The following PUDP variants were observed in gnomAD, a reference collection of about 807,000 sequenced individuals.
PUDP encodes pseudouridine-5'-phosphatase.
In PUDP, 8 loss-of-function variants were observed where a neutral mutation model predicts 9.4. The observed-to-expected ratio is 0.85, with a 90% CI of 0.50 to 1.53. The LOEUF is 1.53. Among genes scored for constraint, PUDP ranks in the 40% most tolerant of loss-of-function variants. The pLI, the probability that PUDP is intolerant of heterozygous loss-of-function variation, is 0.00. For synonymous variants in PUDP, 99 were observed against 80.7 expected, an observed-to-expected ratio of 1.23 and a Z score of -1.22; for missense variants, 188 against 189.7, an observed-to-expected ratio of 0.99 and a Z score of 0.05.
chrX:7,137,416 G>A (rs1170703336), intron 1 of PUDP, among the ~76,000 whole-genome samples: 6 of 104,384 alleles, frequency 5.7e-5, no homozygotes, highest in East Asian at 3.1e-4. Flanking sequence ...GTGTGGTGGC[G>A]GGCACCTGCA....
chrX:7,091,915 T>C (rs760703700), intron 2 of PUDP, among the ~76,000 whole-genome samples: 8 of 112,641 alleles, frequency 7.1e-5, no homozygotes, highest in Admixed American at 4.7e-4. Flanking sequence ...AATGTTAACA[T>C]AATAGCTCAT....
intron 1 of PUDP, among the ~76,000 whole-genome samples, chrX:7,027,468 G>A (rs1220739893): frequency 9.3e-6 from 1 of 107,767 alleles, no homozygotes; most frequent in Non-Finnish European, 1.9e-5. Flanking sequence ...ATATGTGTGT[G>A]TGTGTGTGTG....
chrX:6,726,889 C>G (rs992480670), intron 3 of PUDP, among the ~76,000 whole-genome samples: 2 of 111,388 alleles, frequency 1.8e-5, no homozygotes, highest in Non-Finnish European at 3.8e-5. Flanking sequence ...AATTTTTTTA[C>G]AATTTACTAT....
At chrX:6,858,642 A>G (rs1043421349) in intron 3 of PUDP, among the ~76,000 whole-genome samples, 5 of 111,022 alleles carry the variant, frequency 4.5e-5, no homozygotes, top group African/African-American at 1.7e-4. Flanking sequence ...TTGTAATAAA[A>G]CTATAACTGT....
intron 3 of PUDP, among the ~76,000 whole-genome samples, chrX:6,896,412 T>C (rs760127794): frequency 4.0e-4 from 45 of 112,043 alleles, no homozygotes; most frequent in Non-Finnish European, 7.7e-4. Context: ...AAGTAAATGT[T>C]TTCCTTTGCC....
At chrX:6,877,804 C>T (rs749937324) in intron 3 of PUDP, among the ~76,000 whole-genome samples, 69 of 111,686 alleles carry the variant, frequency 6.2e-4, no homozygotes, top group Non-Finnish European at 6.0e-4. Context: ...CAAGCCTCAA[C>T]TCTCAAGATC....
At chrX:7,007,919 A>G (rs1159932250) in intron 1 of PUDP, among the ~76,000 whole-genome samples, 49 of 111,607 alleles carry the variant, frequency 4.4e-4, no homozygotes, top group Non-Finnish European at 1.1e-4. Flanking sequence ...TATAAATTCC[A>G]AAGTCTAATA....
At chrX:7,117,140 G>C in intron 1 of PUDP, 1 of 1,048,948 alleles carries the variant, frequency 9.5e-7, no homozygotes, top group Non-Finnish European at 1.3e-6. Flanking sequence ...ATTGGTACCA[G>C]AAGTGGCGTG....
At chrX:6,809,919 A>C (rs995510392) in intron 3 of PUDP, among the ~76,000 whole-genome samples, 1 of 110,238 alleles carries the variant, frequency 9.1e-6, no homozygotes, top group Non-Finnish European at 1.9e-5. Flanking sequence ...AAAAATAAAA[A>C]AATAATTAGC....
chrX:6,779,069 GC>G (rs1356661050), intron 3 of PUDP, among the ~76,000 whole-genome samples: 1 of 111,785 alleles, frequency 8.9e-6, no homozygotes, highest in Non-Finnish European at 1.9e-5. Context: ...TGTGACCACT[GC>G]TAATTATTTG....
chrX:6,918,972 C>T (rs1927976823), intron 3 of PUDP, among the ~76,000 whole-genome samples: 2 of 112,157 alleles, frequency 1.8e-5, no homozygotes, highest in Admixed American at 9.4e-5. Flanking sequence ...TGGTTTGCCA[C>T]CTGTTTGATC....
At chrX:6,986,750 T>C (rs1454917223) in intron 1 of PUDP, among the ~76,000 whole-genome samples, 2 of 111,819 alleles carry the variant, frequency 1.8e-5, no homozygotes, top group African/African-American at 6.5e-5. Flanking sequence ...GAAACTTGCA[T>C]CCTGGAGGGC....
intron 3 of PUDP, among the ~76,000 whole-genome samples, chrX:7,071,819 C>G (rs1219492568): frequency 1.8e-5 from 2 of 108,520 alleles, no homozygotes; most frequent in African/African-American, 6.7e-5. Flanking sequence ...CTCTGTCACC[C>G]AGGCTGGAGG....
chrX:6,795,062 CT>C (rs1229303466), intron 3 of PUDP, among the ~76,000 whole-genome samples: 1 of 106,382 alleles, frequency 9.4e-6, no homozygotes, highest in Non-Finnish European at 1.9e-5. Flanking sequence ...ACTTTTTAAA[CT>C]TTAAAAAAAA....
At chrX:6,934,518 C>A (rs955204779) in intron 3 of PUDP, among the ~76,000 whole-genome samples, 13 of 110,306 alleles carry the variant, frequency 1.2e-4, no homozygotes, top group Middle Eastern at 4.6e-3. Flanking sequence ...GTACCAGCCG[C>A]TGCAAAATCA....
chrX:6,880,070 C>A (rs1456133048), intron 3 of PUDP, among the ~76,000 whole-genome samples: 2 of 109,594 alleles, frequency 1.8e-5, no homozygotes, highest in African/African-American at 6.6e-5. Context: ...AGATGAATTA[C>A]AATTCAGTTA....
intron 3 of PUDP, among the ~76,000 whole-genome samples, chrX:6,803,060 T>TATAAAATAAAATAAA (rs374121914): frequency 6.3e-4 from 5 of 7,918 alleles, no homozygotes; most frequent in African/African-American, 7.6e-4. Flanking sequence ...TAAAATAAAA[T>TATAAAATAAAATAAA]ATAAAATAAA....
intron 1 of PUDP, among the ~76,000 whole-genome samples, chrX:6,707,437 T>C (rs1437694297): frequency 8.9e-6 from 1 of 112,109 alleles, no homozygotes; most frequent in East Asian, 2.8e-4. Context: ...TAATATATAA[T>C]GAAATACAAC....
chrX:7,104,107 T>C (rs1170940107), intron 2 of PUDP, among the ~76,000 whole-genome samples: 1 of 112,233 alleles, frequency 8.9e-6, no homozygotes, highest in East Asian at 2.8e-4. Context: ...CATGTTTATA[T>C]AAGCATTATT....
Sources: allele counts gnomAD v4.1 joint callset (sites outside exome capture counted in the v4.1 genomes callset), GRCh38; gene constraint gnomAD v4.1.1; transcripts MANE v1.5; gene names NCBI Gene and HGNC (gene_info 2026-07-23, HGNC 2026-07-21).